Variants in GRXCR1 observed in about 807,000 individuals in gnomAD.
GRXCR1 encodes glutaredoxin domain-containing cysteine-rich protein 1.
GRXCR1 carries 27 observed loss-of-function variants against 27.3 expected under a neutral mutation model. That is an observed-to-expected ratio of 0.99 (90% confidence interval 0.73 to 1.37). The LOEUF is 1.37. Ranked by LOEUF, GRXCR1 falls within the 40% of genes most tolerant of loss-of-function variation. The pLI, the probability that GRXCR1 is intolerant of heterozygous loss-of-function variation, is 0.00. For synonymous variants in GRXCR1, 122 were observed against 131.1 expected, an observed-to-expected ratio of 0.93 and a Z score of 0.47; for missense variants, 379 against 354.4, an observed-to-expected ratio of 1.07 and a Z score of -0.56.
intron 2 of GRXCR1, among the ~76,000 whole-genome samples, chr4:43,001,944 G>A (rs376646150): frequency 3.3e-5 from 5 of 152,386 alleles, no homozygotes; most frequent in African/African-American, 7.2e-5. Context: ...AAGATACTAT[G>A]CCTAGATGTG....
chr4:43,028,486 G>A (rs555424530), intron 3 of GRXCR1, among the ~76,000 whole-genome samples: 1 of 152,298 alleles, frequency 6.6e-6, no homozygotes, highest in South Asian at 2.1e-4. Flanking sequence ...GGTCCTTACT[G>A]TAGGACCTTG....
intron 2 of GRXCR1, among the ~76,000 whole-genome samples, chr4:42,993,859 C>T (rs1712057166): frequency 1.3e-5 from 2 of 152,060 alleles, no homozygotes; most frequent in Non-Finnish European, 2.9e-5. Flanking sequence ...AGCAATTGTG[C>T]TGGATGCTGT....
chr4:42,988,353 G>T (rs1560677409), intron 2 of GRXCR1, among the ~76,000 whole-genome samples: 1 of 152,090 alleles, frequency 6.6e-6, no homozygotes, highest in Non-Finnish European at 1.5e-5. Context: ...TCAGGTAAAA[G>T]ATATAATAAA....
intron 1 of GRXCR1, among the ~76,000 whole-genome samples, chr4:42,898,498 G>A (rs1236044063): frequency 6.6e-6 from 1 of 151,836 alleles, no homozygotes; most frequent in Admixed American, 6.6e-5. Flanking sequence ...TGCATCTCTG[G>A]TTCACTGAAT....
intron 2 of GRXCR1, among the ~76,000 whole-genome samples, chr4:42,982,316 TG>T (rs1289614932): frequency 3.4e-5 from 5 of 145,628 alleles, no homozygotes; most frequent in Non-Finnish European, 7.5e-5. Context: ...TTTGGTTTTT[TG>T]TTCTTGCGAT....
At chr4:42,923,188 C>A (rs1451299855) in intron 1 of GRXCR1, among the ~76,000 whole-genome samples, 1 of 152,126 alleles carries the variant, frequency 6.6e-6, no homozygotes, top group African/African-American at 2.4e-5. Context: ...GATAGCCCTG[C>A]CTTCCCAGGC....
At chr4:42,919,921 G>A (rs17534536) in intron 1 of GRXCR1, among the ~76,000 whole-genome samples, 3,143 of 152,070 alleles carry the variant, frequency 0.021, 36 homozygotes, top group Non-Finnish European at 0.029. Context: ...TGTGGTTTGC[G>A]GGAGAAATGG....
chr4:43,019,273 T>C (rs1462819440), intron 2 of GRXCR1, among the ~76,000 whole-genome samples: 1 of 152,220 alleles, frequency 6.6e-6, no homozygotes, highest in Admixed American at 6.5e-5. Context: ...GGTTAGTTTT[T>C]TGTGCATTTA....
Position 42,975,358 on chromosome 4 carries a change from C to CAGA in GRXCR1, c.627+12225_627+12227dup, listed in dbSNP as rs571955497. ...GCTGTGGTTAAATTGAGTTTGTCATCAGATATTGGTGTCAATGTCTAAGAT... is the reference window on the plus strand; with the variant it reads ...GCTGTGGTTAAATTGAGTTTGTCATCAGAAGATATTGGTGTCAATGTCTAAGAT... On this transcript the variant is annotated intron_variant, in intron 2 of 3. Coordinates refer to ENST00000399770, the MANE Select transcript of GRXCR1 (RefSeq NM_001080476.3). 3.7e-4 allele frequency among the ~76,000 whole-genome samples: 57 copies of CAGA among 152,232 alleles called. 1 individual carries two copies. In the East Asian group the frequency reaches 4.1e-3, roughly 11 times the overall value.
intron 2 of GRXCR1, among the ~76,000 whole-genome samples, chr4:42,991,317 C>T (rs1711965754): frequency 6.6e-6 from 1 of 151,966 alleles, no homozygotes; most frequent in Non-Finnish European, 1.5e-5. Flanking sequence ...ATAAATAGAA[C>T]TTAACCCATT....
intron 2 of GRXCR1, among the ~76,000 whole-genome samples, chr4:43,011,368 A>C (rs2109802676): frequency 6.6e-6 from 1 of 152,074 alleles, no homozygotes; most frequent in Non-Finnish European, 1.5e-5. Flanking sequence ...CAGGATAGAG[A>C]GGTTGGGGGT....
chr4:43,016,393 C>T (rs1712932078), intron 2 of GRXCR1, among the ~76,000 whole-genome samples: 1 of 152,102 alleles, frequency 6.6e-6, no homozygotes, highest in African/African-American at 2.4e-5. Context: ...GCTATTCTTG[C>T]TAAAGATAAA....
rs143971824 is a variant in GRXCR1 at position 42,996,911 on chromosome 4, T to C, written c.628-23443T>C. On this transcript the variant is annotated intron_variant, in intron 2 of 3. Transcript: ENST00000399770. ...CACCTTTCTGTCTTATCCTTCACAA[T>C]GGGATGGGCTGTCTTTGTTACAATC... 5.1e-3 allele frequency among the ~76,000 whole-genome samples: 781 copies of C among 152,198 alleles called. 9 individuals are homozygous for C. Among genetic ancestry groups the C allele is most frequent in the African/African-American group, 0.018 (740 of 41,552 alleles).
At chr4:42,941,802 C>T (rs1223918845) in intron 1 of GRXCR1, among the ~76,000 whole-genome samples, 1 of 151,918 alleles carries the variant, frequency 6.6e-6, no homozygotes. Flanking sequence ...TGATACGTAT[C>T]AATGAGTGTG....
intron 1 of GRXCR1, among the ~76,000 whole-genome samples, chr4:42,917,658 G>A (rs572801456): frequency 6.6e-6 from 1 of 152,082 alleles, no homozygotes; most frequent in Non-Finnish European, 1.5e-5. Flanking sequence ...TGAGATAAGA[G>A]TTTCTTAGGG....
At chr4:42,998,591 C>T (rs956021040) in intron 2 of GRXCR1, among the ~76,000 whole-genome samples, 16 of 152,130 alleles carry the variant, frequency 1.1e-4, no homozygotes, top group African/African-American at 3.9e-4. Context: ...GTTTGTGGTT[C>T]TTCATAAAAA....
At chr4:42,995,341 A>G (rs1476472158) in intron 2 of GRXCR1, among the ~76,000 whole-genome samples, 1 of 152,180 alleles carries the variant, frequency 6.6e-6, no homozygotes, top group Non-Finnish European at 1.5e-5. Context: ...TTTGCCATGC[A>G]CCTTTTACTA....
intron 1 of GRXCR1, among the ~76,000 whole-genome samples, chr4:42,903,679 T>C (rs1257883687): frequency 6.8e-6 from 1 of 147,920 alleles, no homozygotes; most frequent in Non-Finnish European, 1.5e-5. Flanking sequence ...TTTTCTTTTT[T>C]CCCCTAAATT....
intron 1 of GRXCR1, among the ~76,000 whole-genome samples, chr4:42,932,619 T>TATATATAG (rs1249820617): frequency 1.3e-4 from 3 of 22,920 alleles, no homozygotes; most frequent in African/African-American, 1.7e-4. Context: ...TATATATATA[T>TATATATAG]AGAGAGAGAG....
Sources: gnomAD v4.1 joint callset for allele counts (sites outside exome capture counted in the v4.1 genomes callset) on GRCh38, gnomAD v4.1.1 for gene constraint, MANE v1.5 for transcripts, NCBI Gene and HGNC (gene_info 2026-07-23, HGNC 2026-07-21) for gene names.